Variants in TRPC7 observed in about 807,000 individuals in gnomAD.
TRPC7 encodes short transient receptor potential channel 7.
Under a neutral mutation model 90.1 loss-of-function variants are expected in TRPC7, and 42 were observed. The ratio of observed to expected loss-of-function variants is 0.47; its 90% confidence interval spans 0.36 to 0.60. The LOEUF is 0.60. TRPC7 is among the 20% of genes least tolerant of loss of function. The pLI is 0.00. For synonymous variants in TRPC7, 451 were observed against 436.3 expected (o/e 1.03, Z -0.42); for missense variants, 955 against 1,112.3 (o/e 0.86, Z 2.01).
chr5:136,289,416 G>A (rs113371445), intron 3 of TRPC7, among the ~76,000 whole-genome samples: 422 of 152,308 alleles, frequency 2.8e-3, no homozygotes, highest in Non-Finnish European at 4.2e-3. Flanking sequence ...GTGACAGATG[G>A]CACCTGGAAA....
At chr5:136,286,639 C>T (rs1005643145) in intron 3 of TRPC7, among the ~76,000 whole-genome samples, 1 of 152,176 alleles carries the variant, frequency 6.6e-6, no homozygotes, top group African/African-American at 2.4e-5. Context: ...CTGAATCCTG[C>T]CTGATTTCCT....
At chr5:136,343,212 C>G (rs142632465) in intron 2 of TRPC7, among the ~76,000 whole-genome samples, 14 of 152,194 alleles carry the variant, frequency 9.2e-5, no homozygotes, top group Admixed American at 3.9e-4. Flanking sequence ...AATTTCTTAA[C>G]AAGACTAAAT....
chr5:136,295,530 G>A (rs1758138347), intron 3 of TRPC7, among the ~76,000 whole-genome samples: 1 of 151,974 alleles, frequency 6.6e-6, no homozygotes, highest in Non-Finnish European at 1.5e-5. Context: ...AGTGCCCCCA[G>A]TAGTCCCCAG....
chr5:136,305,247 T>C (rs1355769204), intron 3 of TRPC7, among the ~76,000 whole-genome samples: 1 of 152,068 alleles, frequency 6.6e-6, no homozygotes, highest in African/African-American at 2.4e-5. Context: ...CATTTCCCCA[T>C]ATTTCCTTCT....
At chr5:136,230,036 A>T (rs1201413057) in intron 8 of TRPC7, among the ~76,000 whole-genome samples, 1 of 152,222 alleles carries the variant, frequency 6.6e-6, no homozygotes, top group Non-Finnish European at 1.5e-5. Context: ...TCAGTACAAA[A>T]CAGTCTTTCT....
chr5:136,296,291 A>G (rs183274961), intron 3 of TRPC7, among the ~76,000 whole-genome samples: 201 of 152,354 alleles, frequency 1.3e-3, no homozygotes, highest in African/African-American at 4.6e-3. Context: ...CAGTGCTTGC[A>G]AAGTGCAGAT....
intron 2 of TRPC7, among the ~76,000 whole-genome samples, chr5:136,350,662 C>T (rs547214628): frequency 3.9e-5 from 6 of 152,310 alleles, no homozygotes; most frequent in Non-Finnish European, 7.3e-5. Flanking sequence ...TGGAGATAAG[C>T]CAGTCCCTGG....
At position 136,247,668 on chromosome 5, in the gene TRPC7, C is replaced by T. The variant is rs1459172459; in HGVS notation, c.1647G>A (p.Val549=). The T allele has an allele frequency of 3.7e-5, 59 of 1,613,858 alleles. No homozygotes were observed. Among genetic ancestry groups the T allele is most frequent in the Non-Finnish European group, 4.8e-5 (57 of 1,179,890 alleles). ...ISEGLYAIAV[V]LSFSRIAYIL... ...TGTATGCAATGCGAGAGAAGCTCAG[C>T]ACGACGGCTATCGCGTAGAGCCCTT... The change falls in exon 7 of 12, where the codon GTG becomes GTA. Residue 549 remains valine (V), a synonymous_variant. Coordinates refer to ENST00000513104, the MANE Select transcript of TRPC7 (RefSeq NM_020389.3). This position sits in a 1 kb window ranked among gnomAD's most constrained non-coding sequence, Gnocchi z 4.2.
chr5:136,287,541 T>A (rs1055508683), intron 3 of TRPC7, among the ~76,000 whole-genome samples: 1 of 151,862 alleles, frequency 6.6e-6, no homozygotes, highest in Non-Finnish European at 1.5e-5. Context: ...GGGTCTTCTT[T>A]GTGGAAATCC....
intron 3 of TRPC7, among the ~76,000 whole-genome samples, chr5:136,276,444 A>G (rs1757369462): frequency 6.6e-6 from 1 of 152,236 alleles, no homozygotes; most frequent in African/African-American, 2.4e-5. Flanking sequence ...GGGAAATGTG[A>G]AACATTCCCT....
chr5:136,359,865 T>G (rs574814257), intron 1 of TRPC7, among the ~76,000 whole-genome samples: 1 of 152,062 alleles, frequency 6.6e-6, no homozygotes, highest in Non-Finnish European at 1.5e-5. Flanking sequence ...TGTCCTACAA[T>G]AGGCTTCTAC....
intron 7 of TRPC7, among the ~76,000 whole-genome samples, chr5:136,245,370 T>C (rs565583791): frequency 1.6e-4 from 25 of 152,310 alleles, no homozygotes; most frequent in African/African-American, 5.8e-4. Context: ...TTTTAGGTAG[T>C]TTCAGCTGGG....
At chr5:136,245,080 T>C (rs1273744104) in intron 7 of TRPC7, among the ~76,000 whole-genome samples, 5 of 152,230 alleles carry the variant, frequency 3.3e-5, no homozygotes, top group Non-Finnish European at 5.9e-5. Flanking sequence ...TTGGCTCTCT[T>C]AGTATTCTCA....
intron 1 of TRPC7, among the ~76,000 whole-genome samples, chr5:136,364,324 AT>A (rs1015061729): frequency 6.6e-6 from 1 of 152,222 alleles, no homozygotes; most frequent in Non-Finnish European, 1.5e-5. Context: ...TGAAAGGGTA[AT>A]TGTGACATAG....
In TRPC7 at chr5:136,225,313, C is replaced by A; in HGVS notation, c.2304G>T (p.Leu768=). 1 of 1,613,128 alleles carries A rather than the reference C, an allele frequency of 6.2e-7. No individual in the cohort carries two copies. The highest frequency in any genetic ancestry group is 2.2e-5 in the East Asian group (1 of 44,858). ...YQAGMRNSEN[L]TANNTLSKPT... ...GCTTGCTCAAAGTGTTATTTGCTGT[C>A]AGATTTTCAGAATTCCTCATGCCAG... Residue 768 remains leucine (L), a synonymous_variant, in exon 10 of 12, where the codon CTG becomes CTT. Coordinates refer to ENST00000513104, the MANE Select transcript of TRPC7 (RefSeq NM_020389.3).
intron 3 of TRPC7, among the ~76,000 whole-genome samples, chr5:136,302,712 A>G (rs1758443010): frequency 6.6e-6 from 1 of 152,176 alleles, no homozygotes; most frequent in Non-Finnish European, 1.5e-5. Context: ...GTAGTTCCAA[A>G]TAGCTGGAAA....
intron 7 of TRPC7, among the ~76,000 whole-genome samples, chr5:136,237,555 G>A (rs564730578): frequency 6.5e-4 from 99 of 152,250 alleles, no homozygotes; most frequent in Non-Finnish European, 1.2e-3. Flanking sequence ...TGAAACAATC[G>A]AGGTGCAAGT....
rs114613087 is a variant in TRPC7 at position 136,340,193 on chromosome 5, T to A, written c.780+16415A>T. Among the ~76,000 whole-genome samples the A allele has an allele frequency of 7.7e-3, 1,167 of 152,264 alleles. 20 individuals are homozygous for A. The highest frequency in any genetic ancestry group is 6.8e-3 in the Middle Eastern group (2 of 294). On this transcript the variant is annotated intron_variant, in intron 2 of 11. Coordinates refer to ENST00000513104, the MANE Select transcript of TRPC7 (RefSeq NM_020389.3). ...CACAACATGGATGAACCTAGAAGAA[T>A]TATGATAAGTGAAATAAGCTAGGCA...
intron 4 of TRPC7, among the ~76,000 whole-genome samples, chr5:136,269,548 A>G (rs748027126): frequency 9.2e-5 from 14 of 152,216 alleles, no homozygotes; most frequent in Non-Finnish European, 1.5e-4. Flanking sequence ...GGTTTCCAGC[A>G]TCTTCCTAAT....
Sources: gnomAD v4.1 joint callset for allele counts (sites outside exome capture counted in the v4.1 genomes callset) on GRCh38, gnomAD v4.1.1 for gene constraint, Gnocchi (gnomAD v3.1) non-coding constraint, MANE v1.5 for transcripts, NCBI Gene and HGNC (gene_info 2026-07-23, HGNC 2026-07-21) for gene names.